Variants in TMEM51 observed in about 807,000 individuals in gnomAD.
TMEM51 encodes transmembrane protein 51, also known as chromosome 1 open reading frame 72.
A neutral mutation model predicts 13.6 loss-of-function variants in TMEM51; 8 were observed. That is an observed-to-expected ratio of 0.59 (90% CI 0.35 to 1.07). The LOEUF (loss-of-function observed/expected upper bound fraction) is 1.07, where lower values mean the gene tolerates loss of function less well. TMEM51 is among the 50% of genes least tolerant of loss of function. TMEM51 has a pLI of 0.02. For synonymous variants in TMEM51, 147 were observed against 144.4 expected, an observed-to-expected ratio of 1.02 and a Z score of -0.13; for missense variants, 279 against 330.7, an observed-to-expected ratio of 0.84 and a Z score of 1.21.
intron 1 of TMEM51, among the ~76,000 whole-genome samples, chr1:15,167,346 A>C (rs1422661329): frequency 6.7e-6 from 1 of 148,766 alleles, no homozygotes; most frequent in Non-Finnish European, 1.5e-5. Context: ...AAAAAAAAAA[A>C]AAAAAAAAAA....
chr1:15,183,001 G>A (rs1643667302), intron 1 of TMEM51, among the ~76,000 whole-genome samples: 1 of 152,144 alleles, frequency 6.6e-6, no homozygotes, highest in Admixed American at 6.6e-5. Flanking sequence ...GACCTCAAGT[G>A]ATCCTCCCGC....
chr1:15,176,867 G>GT (rs1342845755), intron 1 of TMEM51, among the ~76,000 whole-genome samples: 3 of 152,230 alleles, frequency 2.0e-5, no homozygotes, highest in Non-Finnish European at 4.4e-5. Context: ...AGAGGAGTCA[G>GT]TTATCACCAT....
chr1:15,196,314 A>G (rs983237588), intron 1 of TMEM51, among the ~76,000 whole-genome samples: 1 of 152,194 alleles, frequency 6.6e-6, no homozygotes, highest in Non-Finnish European at 1.5e-5. Context: ...CAGTAGCTCG[A>G]TAGTGCTGTG....
chr1:15,196,387 TGTGTGCATGTGTGTGTGTGTGTGC>T (rs1171873870), intron 1 of TMEM51, among the ~76,000 whole-genome samples: 1 of 44,662 alleles, frequency 2.2e-5, no homozygotes, highest in African/African-American at 8.7e-5. Context: ...GCTGTGTGTG[TGTGTGCATGTGTGTGTGTGTGTGC>T]GTGTGCATGC....
chr1:15,206,243 AAAAGAG>A (rs1469584564), intron 1 of TMEM51, among the ~76,000 whole-genome samples: 11,816 of 142,668 alleles, frequency 0.083, 616 homozygotes, highest in Middle Eastern at 0.12. Flanking sequence ...AAAAAAAAAA[AAAAGAG>A]AGAGAGAAGA....
At chr1:15,192,396 C>A in intron 1 of TMEM51, 1 of 411,608 alleles carries the variant, frequency 2.4e-6, no homozygotes. Context: ...TCTTGGAATC[C>A]TTGCTCCAGG....
intron 1 of TMEM51, among the ~76,000 whole-genome samples, chr1:15,155,457 G>T (rs1320218144): frequency 6.6e-6 from 1 of 152,236 alleles, no homozygotes; most frequent in Non-Finnish European, 1.5e-5. Flanking sequence ...GGGTATTTAT[G>T]CCTAGCACAT....
Position 15,215,199 on chromosome 1 carries a change from A to G in TMEM51, c.112A>G (p.Ser38Gly). ...MAMWNLVPGF[S>G]AAEKPTAQGS... ...CATGTGGAACCTGGTACCCGGCTTC[A>G]GCGCGGCCGAGAAGCCAACAGCTCA... is the stretch of plus-strand genomic sequence containing the variant. Residue 38 changes from serine to glycine, a missense_variant, in exon 3 of 4, where the codon AGC (serine) becomes GGC (glycine). By Grantham distance (56) the Ser-to-Gly change is moderately conservative. Coordinates refer to ENST00000376008, the MANE Select transcript of TMEM51 (RefSeq NM_001136218.2). The G allele has an allele frequency of 6.2e-7, 1 of 1,614,218 alleles. No individual in the cohort carries two copies. The highest frequency in any genetic ancestry group is 8.5e-7 in the Non-Finnish European group (1 of 1,180,044).
intron 1 of TMEM51, among the ~76,000 whole-genome samples, chr1:15,171,913 C>G (rs1188206420): frequency 2.0e-5 from 3 of 152,272 alleles, no homozygotes; most frequent in South Asian, 4.1e-4. Flanking sequence ...TCCCAACAAC[C>G]CCTTGCTCAG....
intron 1 of TMEM51, among the ~76,000 whole-genome samples, chr1:15,205,079 TC>T (rs1644225938): frequency 6.6e-6 from 1 of 151,990 alleles, no homozygotes; most frequent in African/African-American, 2.4e-5. Flanking sequence ...TGTGACTGGG[TC>T]CCCCGTGCCA....
intron 1 of TMEM51, among the ~76,000 whole-genome samples, chr1:15,185,615 G>C (rs1436881842): frequency 6.6e-6 from 1 of 152,218 alleles, no homozygotes; most frequent in Admixed American, 6.5e-5. Context: ...CTATATGTGA[G>C]GTTGGTTACA....
At position 15,175,449 on chromosome 1, in the gene TMEM51, C is replaced by T. The variant is rs537964716; in HGVS notation, c.-267+21495C>T. On this transcript the variant is annotated intron_variant, in intron 1 of 3. Transcript: ENST00000376008. The stretch of plus-strand genomic sequence containing the variant: ...ATAAAATAAACTAGGGCTGTAAGCT[C>T]CTAAGTGGTTTTCTGTTCCCCTTCT... Among the ~76,000 whole-genome samples the T allele has an allele frequency of 1.8e-4, 27 of 152,226 alleles. No homozygotes were observed. In the South Asian group the frequency reaches 5.4e-3, roughly 30 times the overall value.
chr1:15,154,881 C>G (rs1303810366), intron 1 of TMEM51, among the ~76,000 whole-genome samples: 2 of 131,124 alleles, frequency 1.5e-5, no homozygotes, highest in East Asian at 2.7e-4. Flanking sequence ...CGGGCGCTGC[C>G]GGAGTGGGGT....
At chr1:15,170,525 G>C (rs1044863962) in intron 1 of TMEM51, among the ~76,000 whole-genome samples, 2 of 151,620 alleles carry the variant, frequency 1.3e-5, no homozygotes, top group African/African-American at 4.8e-5. Flanking sequence ...GCCCAGACTG[G>C]TATCAAACTC....
intron 3 of TMEM51, among the ~76,000 whole-genome samples, chr1:15,217,812 CCCA>C (rs1644453807): frequency 2.0e-5 from 3 of 151,986 alleles, no homozygotes; most frequent in Non-Finnish European, 2.9e-5. Context: ...CCTTACAGAG[CCCA>C]CCGAGCTGAA....
intron 1 of TMEM51, among the ~76,000 whole-genome samples, chr1:15,199,026 T>C (rs1022480138): frequency 6.6e-6 from 1 of 152,204 alleles, no homozygotes; most frequent in Non-Finnish European, 1.5e-5. Context: ...TTTTCCAGCA[T>C]GGAAGTTTCA....
chr1:15,169,982 G>C (rs144893500), intron 1 of TMEM51, among the ~76,000 whole-genome samples: 114 of 152,146 alleles, frequency 7.5e-4, no homozygotes, highest in Non-Finnish European at 1.5e-3. Context: ...GTATGACTTT[G>C]TATTAAAGTA....
Position 15,160,279 on chromosome 1 carries a change from A to G in TMEM51, c.-267+6325A>G, listed in dbSNP as rs761058401. ...AGGGAAAATGACTTTATTTTATTTT[A>G]TTTATTTCTTTTGAGACAGAGTGTC... On this transcript the variant is annotated intron_variant, in intron 1 of 3. Transcript: ENST00000376008. Among the ~76,000 whole-genome samples the G allele has an allele frequency of 1.6e-4, 25 of 151,686 alleles. 1 individual carries two copies. The highest frequency in any genetic ancestry group is 3.1e-4 in the Non-Finnish European group (21 of 67,936).
chr1:15,194,484 T>C (rs559914066), intron 1 of TMEM51, among the ~76,000 whole-genome samples: 1 of 152,298 alleles, frequency 6.6e-6, no homozygotes, highest in African/African-American at 2.4e-5. Flanking sequence ...GCCATAGCAG[T>C]GGGCTCCGTG....
Sources: allele counts gnomAD v4.1 joint callset (sites outside exome capture counted in the v4.1 genomes callset), GRCh38; gene constraint gnomAD v4.1.1; transcripts MANE v1.5; gene names NCBI Gene and HGNC (gene_info 2026-07-23, HGNC 2026-07-21).